Variants in MEIS2 observed in about 807,000 individuals in gnomAD.
MEIS2 encodes the protein homeobox protein Meis2.
MEIS2 carries 9 observed loss-of-function variants against 58.6 expected under a neutral mutation model. The ratio of observed to expected loss-of-function variants is 0.15; its 90% CI spans 0.09 to 0.27. The LOEUF (loss-of-function observed/expected upper bound fraction) is 0.27. Among genes scored for constraint, MEIS2 ranks in the 10% least tolerant of loss-of-function variants. MEIS2 has a pLI of 1.00. For missense variants in MEIS2, 427 were observed against 635.0 expected (o/e 0.67, Z 3.52); for synonymous variants, 221 against 228.4 (o/e 0.97, Z 0.29).
At chr15:37,096,244 G>T in intron 3 of MEIS2, 45 bp downstream of exon 3, 2 of 1,530,422 alleles carry the variant, frequency 1.3e-6, no homozygotes, top group Non-Finnish European at 1.8e-6. Context: ...AAGGGGAGGG[G>T]TAGTGAGGGA....
intron 9 of MEIS2, among the ~76,000 whole-genome samples, chr15:36,920,163 T>C (rs1321159663): frequency 2.6e-5 from 4 of 151,902 alleles, no homozygotes; most frequent in African/African-American, 9.7e-5. Flanking sequence ...TATTTATTTT[T>C]ATTTTGACAG....
At chr15:36,977,672 TGTTA>T (rs1055631771) in intron 8 of MEIS2, among the ~76,000 whole-genome samples, 2 of 152,252 alleles carry the variant, frequency 1.3e-5, no homozygotes, top group African/African-American at 4.8e-5. Flanking sequence ...AGGTCCAATG[TGTTA>T]GTTAAACTAC....
intron 8 of MEIS2, among the ~76,000 whole-genome samples, chr15:36,976,054 TAAAAG>T (rs1404548411): frequency 2.0e-5 from 3 of 152,164 alleles, no homozygotes; most frequent in African/African-American, 4.8e-5. Context: ...TAAGGGAAAT[TAAAAG>T]GAAAAGACAA....
At chr15:37,039,864 TTCCTC>T (rs1244039183) in intron 7 of MEIS2, among the ~76,000 whole-genome samples, 5 of 152,218 alleles carry the variant, frequency 3.3e-5, no homozygotes, top group African/African-American at 1.2e-4. Flanking sequence ...AAGAGGAATT[TTCCTC>T]TCCCAAACAC....
At chr15:37,046,367 GA>G (rs2062670174) in intron 7 of MEIS2, among the ~76,000 whole-genome samples, 1 of 152,088 alleles carries the variant, frequency 6.6e-6, no homozygotes. Flanking sequence ...GAAGAGAAAG[GA>G]AAACCCAGCC....
At chr15:37,002,450 A>C (rs887299040) in intron 8 of MEIS2, among the ~76,000 whole-genome samples, 2 of 152,038 alleles carry the variant, frequency 1.3e-5, no homozygotes, top group African/African-American at 4.8e-5. Flanking sequence ...TTCACATTTT[A>C]TCTCTCCTAC....
At chr15:37,021,120 C>T (rs759005707) in intron 8 of MEIS2, among the ~76,000 whole-genome samples, 2 of 152,176 alleles carry the variant, frequency 1.3e-5, no homozygotes, top group Admixed American at 6.5e-5. Context: ...GTTTAAGCCA[C>T]CCAGGCTATG....
chr15:36,994,552 A>G (rs1338963103), intron 8 of MEIS2, among the ~76,000 whole-genome samples: 2 of 152,164 alleles, frequency 1.3e-5, no homozygotes, highest in East Asian at 3.8e-4. Flanking sequence ...TTTTACTCCA[A>G]TTTAAACACA....
intron 8 of MEIS2, among the ~76,000 whole-genome samples, chr15:36,973,349 C>T (rs375339119): frequency 3.9e-5 from 6 of 152,128 alleles, no homozygotes; most frequent in African/African-American, 1.2e-4. Context: ...CCTATTGCCC[C>T]GGTAGAAAGA....
chr15:36,892,500 A>C, intron 11 of MEIS2, 41 bp from the exon 12 acceptor site: 1 of 1,566,526 alleles, frequency 6.4e-7, no homozygotes, highest in South Asian at 1.1e-5. Context: ...TCAAATTCCT[A>C]AACATTTTTA....
At chr15:37,087,885 A>G (rs761125610) in intron 6 of MEIS2, among the ~76,000 whole-genome samples, 1 of 152,214 alleles carries the variant, frequency 6.6e-6, no homozygotes. Context: ...GGTGAAATGT[A>G]TAAAGTGTTT....
At chr15:37,019,383 C>A (rs931627387) in intron 8 of MEIS2, among the ~76,000 whole-genome samples, 2 of 152,150 alleles carry the variant, frequency 1.3e-5, no homozygotes, top group African/African-American at 4.8e-5. Context: ...TTTTTACATT[C>A]TTTTTGTCTA....
intron 8 of MEIS2, among the ~76,000 whole-genome samples, chr15:36,971,564 A>AAAAAAAAAAAAAT (rs2059572514): frequency 6.8e-6 from 1 of 147,666 alleles, no homozygotes. Context: ...AAAAAAAAAA[A>AAAAAAAAAAAAAT]GGGCTGTTCC....
intron 8 of MEIS2, among the ~76,000 whole-genome samples, chr15:37,021,554 G>T (rs1241949638): frequency 6.6e-6 from 1 of 152,104 alleles, no homozygotes; most frequent in Non-Finnish European, 1.5e-5. Flanking sequence ...CAGAGATGTT[G>T]CACCTCCAAG....
At position 37,099,493 on chromosome 15, in the gene MEIS2, A is replaced by T; in HGVS notation, c.-27T>A. 1 of 1,613,272 alleles carries T rather than the reference A, an allele frequency of 6.2e-7. No individual in the cohort carries two copies. The highest frequency in any genetic ancestry group is 8.5e-7 in the Non-Finnish European group (1 of 1,179,912). ...AGTCTGCGCTCCAATAAACTCCTGG[A>T]TGTGTCGTATATTTAATATCCCAGT... is the stretch of plus-strand genomic sequence containing the variant. On this transcript the variant is annotated 5_prime_UTR_variant, in exon 1 of 12. Coordinates refer to ENST00000561208, the MANE Select transcript of MEIS2 (RefSeq NM_170675.5).
chr15:36,921,165 T>C (rs997069151), intron 9 of MEIS2, among the ~76,000 whole-genome samples: 1 of 152,164 alleles, frequency 6.6e-6, no homozygotes, highest in Non-Finnish European at 1.5e-5. Context: ...TTTAATGAGA[T>C]GTTTGCCTTG....
intron 9 of MEIS2, among the ~76,000 whole-genome samples, chr15:36,944,339 G>A (rs937922936): frequency 2.6e-5 from 4 of 152,040 alleles, no homozygotes; most frequent in African/African-American, 7.2e-5. Flanking sequence ...AGGTCTCCAA[G>A]AAATGATTAT....
chr15:37,083,995 T>A (rs971345694), intron 6 of MEIS2, 110 bp from the exon 7 acceptor site: 1 of 841,556 alleles, frequency 1.2e-6, no homozygotes, highest in African/African-American at 1.7e-5. Context: ...ATATTAGTAT[T>A]TGTGGCAGTA....
intron 8 of MEIS2, among the ~76,000 whole-genome samples, chr15:36,991,645 C>G (rs368331736): frequency 2.6e-5 from 4 of 151,888 alleles, no homozygotes; most frequent in South Asian, 4.2e-4. Context: ...TTTAATTATG[C>G]TATAGTCTAG....
Sources: gnomAD v4.1 joint callset for allele counts (sites outside exome capture counted in the v4.1 genomes callset) on GRCh38, gnomAD v4.1.1 for gene constraint, MANE v1.5 for transcripts, NCBI Gene and HGNC (gene_info 2026-07-23, HGNC 2026-07-21) for gene names.